ACHE: variants seen among roughly 807,000 people sequenced by gnomAD.
ACHE encodes the protein acetylcholinesterase.
Under a neutral mutation model 53.9 loss-of-function variants are expected in ACHE, and 19 were observed. The observed-to-expected ratio is 0.35, with a 90% confidence interval of 0.25 to 0.52. ACHE has a LOEUF of 0.52. Ranked by LOEUF, ACHE falls within the 20% of genes least tolerant of loss-of-function variation. The pLI is 0.95. For missense variants in ACHE, 605 were observed against 849.4 expected, an observed-to-expected ratio of 0.71 and a Z score of 3.58; for synonymous variants, 392 against 378.1, an observed-to-expected ratio of 1.04 and a Z score of -0.43.
chr7:100,890,493 A>C, intron 4 of ACHE, 158 bp from the exon 5 acceptor site: 1 of 1,437,926 alleles, frequency 7.0e-7, no homozygotes, highest in South Asian at 1.4e-5. Context: ...GATCAGGAGA[A>C]TGTGCGAAAG....
At chr7:100,894,951 G>A (rs1332271559) in intron 1 of ACHE, among the ~76,000 whole-genome samples, 2 of 152,064 alleles carry the variant, frequency 1.3e-5, no homozygotes, top group South Asian at 2.1e-4. Flanking sequence ...TGCCGTGCAC[G>A]CCGCCGCCGG....
chr7:100,892,381 G>T lies in ACHE; in HGVS notation c.1506C>A (p.Ile502=), dbSNP rs1229653464. The part of the protein sequence containing the change: ...PSRNYTAEEK[I]FAQRLMRYWA... ...AGTATCGCATCAGTCGCTGGGCGAA[G>T]ATTTTCTCCTCTGCCGTGTAGTTTC... Residue 502 remains isoleucine, a synonymous_variant, in exon 3 of 5, where the codon ATC becomes ATA. Coordinates refer to ENST00000241069, the MANE Select transcript of ACHE (RefSeq NM_000665.5). This position sits in a 1 kb window ranked among gnomAD's most constrained non-coding sequence, Gnocchi z 5.2. 2 of 1,516,414 alleles carry T rather than the reference G, an allele frequency of 1.3e-6. No homozygotes were observed. Among genetic ancestry groups the T allele is most frequent in the Non-Finnish European group, 1.8e-6 (2 of 1,129,474 alleles). The allele number at this position is 1,516,414 out of a possible 1,614,324, so 93.9% of individuals were successfully genotyped here.
chr7:100,890,939 G>A (rs1790641072), intron 4 of ACHE: 1 of 1,470,186 alleles, frequency 6.8e-7, no homozygotes, highest in Non-Finnish European at 9.0e-7. Flanking sequence ...CCCTGTGGCC[G>A]TAGGGGAAGA....
chr7:100,894,282 A>AG, intron 1 of ACHE, 30 bp from the exon 2 acceptor site: 1 of 1,394,960 alleles, frequency 7.2e-7, no homozygotes, highest in South Asian at 1.6e-5. Context: ...GAAAGGGTGA[A>AG]GGGTCGGTCG....
At chr7:100,894,711 G>C (rs887822283) in intron 1 of ACHE, among the ~76,000 whole-genome samples, 2 of 152,180 alleles carry the variant, frequency 1.3e-5, no homozygotes, top group South Asian at 2.1e-4. Flanking sequence ...CGGGGCCCTG[G>C]GGGGCGGTGG....
rs758529007 is a variant in ACHE at position 100,893,465 on chromosome 7, G to A, written c.768C>T (p.Ala256=). The A allele has an allele frequency of 2.9e-5, 47 of 1,607,654 alleles. No individual in the cohort carries two copies. In the South Asian group the frequency reaches 3.0e-4, roughly 10 times the overall value. The change falls in exon 2 of 5, where the codon GCC becomes GCT. Residue 256 remains alanine, a synonymous_variant. Coordinates refer to ENST00000241069, the MANE Select transcript of ACHE (RefSeq NM_000665.5). ...CATTGGGGGCACCGCTCTGCAGCACGGCCCTGTGGAACAGGCCCCGGCTGG... is the reference window on the plus strand; with the variant it reads ...CATTGGGGGCACCGCTCTGCAGCACAGCCCTGTGGAACAGGCCCCGGCTGG... ...SPPSRGLFHR[A]VLQSGAPNGP... is the part of the protein sequence containing the mutation.
At position 100,891,224 on chromosome 7, in the gene ACHE, G is replaced by C; in HGVS notation, c.1668C>G (p.Arg556=). Residue 556 remains arginine (R), a synonymous_variant, in exon 4 of 5, where the codon CGC becomes CGG. Transcript: ENST00000241069. Reference sequence around the variant, plus strand: ...GGTTCCAGAAGGCGCAGGCCTGGGCGCGCAGCCCCCGCCGCACCTCCAGCG... The same window carrying C: ...GGTTCCAGAAGGCGCAGGCCTGGGCCCGCAGCCCCCGCCGCACCTCCAGCG... ...LRPLEVRRGL[R]AQACAFWNRF... is the part of the protein sequence containing the mutation. 6.2e-7 allele frequency: 1 copy of C among 1,607,436 alleles called. No individual in the cohort carries two copies. The highest frequency in any genetic ancestry group is 8.5e-7 in the Non-Finnish European group (1 of 1,178,938).
At chr7:100,896,730 T>C (rs1278232054), upstream of ACHE, 3 of 320,066 alleles carry the variant, frequency 9.4e-6, no homozygotes, top group African/African-American at 4.5e-5. Flanking sequence ...AGGCCTAGCA[T>C]TCATTGGCCA....
intron 4 of ACHE, chr7:100,890,747 G>C (rs1318332933): frequency 7.4e-7 from 1 of 1,342,766 alleles, no homozygotes; most frequent in Non-Finnish European, 9.6e-7. Flanking sequence ...AAGAATACTG[G>C]CTTTTCCATT....
chr7:100,890,821 T>A (rs1790632389), intron 4 of ACHE: 2 of 1,389,308 alleles, frequency 1.4e-6, no homozygotes, highest in South Asian at 3.8e-5. Context: ...CCCCTCCTCC[T>A]GCCCTGTCCA....
At chr7:100,890,954 G>T in intron 4 of ACHE, 1 of 1,471,100 alleles carries the variant, frequency 6.8e-7, no homozygotes, top group East Asian at 2.4e-5. Context: ...GGAAGAGGCC[G>T]TGTTCACAGC....
In ACHE at chr7:100,890,706, C is replaced by T. The variant is rs1187683462; in HGVS notation, c.1724-371G>A. 4.5e-6 allele frequency: 6 copies of T among 1,328,112 alleles called. No homozygotes were observed. In the East Asian group the frequency reaches 1.7e-4, roughly 38 times the overall value. The allele number at this position is 1,328,112 out of a possible 1,614,324, so 82.3% of individuals were successfully genotyped here. A position where few individuals can be genotyped will look rare whatever the true frequency, so the allele number is the denominator to read the frequency against. On this transcript the variant is annotated intron_variant, in intron 4 of 4. Coordinates refer to ENST00000241069, the MANE Select transcript of ACHE (RefSeq NM_000665.5). ...GGGGCCTCCCACTTCCCCCCAATGT[C>T]AGGCTCAGGTTCCAAAAGATAATTT...
upstream of ACHE, chr7:100,896,390 G>A (rs576005477): frequency 1.8e-5 from 3 of 163,198 alleles, no homozygotes; most frequent in African/African-American, 7.2e-5. Context: ...CGTCCCCTTA[G>A]GGGTCCAGGT....
In ACHE at chr7:100,893,805, G is replaced by A; in HGVS notation, c.428C>T (p.Thr143Ile). The part of the protein sequence containing the change: ...WTPYPRPTSP[T>I]PVLVWIYGGG... ...CCCATAGATCCAGACGAGGACAGGGGTGGGGGATGTAGGCCGGGGGTATGG... is the reference window on the plus strand; with the variant it reads ...CCCATAGATCCAGACGAGGACAGGGATGGGGGATGTAGGCCGGGGGTATGG... Residue 143 changes from threonine (T) to isoleucine (I), a missense_variant, in exon 2 of 5, where the codon ACC becomes ATC. This residue lies in a region of ACHE where 397 missense variants were observed against 632.5 expected (regional missense o/e 0.63). Coordinates refer to ENST00000241069, the MANE Select transcript of ACHE (RefSeq NM_000665.5). 1 of 1,613,810 alleles carries A rather than the reference G, an allele frequency of 6.2e-7. No individual in the cohort carries two copies. Among genetic ancestry groups the A allele is most frequent in the Non-Finnish European group, 8.5e-7 (1 of 1,179,954 alleles).
Position 100,893,606 on chromosome 7 carries a change from C to T in ACHE, c.627G>A (p.Leu209=). ...PGNVGLLDQR[L]ALQWVQENVA... is the part of the protein sequence containing the mutation. ...CGTTCTCCTGCACCCACTGCAGGGCCAGCCTCTGATCCAGGAGACCCACAT... is the reference window on the plus strand; with the variant it reads ...CGTTCTCCTGCACCCACTGCAGGGCTAGCCTCTGATCCAGGAGACCCACAT... The change falls in exon 2 of 5, where the codon CTG becomes CTA. Residue 209 remains leucine, a synonymous_variant. Transcript: ENST00000241069. The T allele has an allele frequency of 6.2e-7, 1 of 1,612,930 alleles. No individual in the cohort carries two copies.
intron 4 of ACHE, 40 bp downstream of exon 4, chr7:100,891,129 C>T: frequency 1.9e-6 from 3 of 1,568,536 alleles, no homozygotes; most frequent in Non-Finnish European, 2.6e-6. Context: ...CGGGCTCCCA[C>T]TCCCCTCCTC....
At chr7:100,890,748 C>T (rs1790626887) in intron 4 of ACHE, 4 of 1,342,732 alleles carry the variant, frequency 3.0e-6, no homozygotes, top group Non-Finnish European at 3.8e-6. Context: ...AGAATACTGG[C>T]TTTTCCATTT....
At chr7:100,890,869 G>A in intron 4 of ACHE, 5 of 1,455,550 alleles carry the variant, frequency 3.4e-6, no homozygotes, top group South Asian at 3.1e-5. Flanking sequence ...GGGAGCACTA[G>A]GTCTGAGATC....
rs1790740644 is a variant in ACHE at position 100,892,199 on chromosome 7, GA to G, written c.1553+134del. The G allele has an allele frequency of 1.8e-6, 2 of 1,125,850 alleles. No individual in the cohort carries two copies. The highest frequency in any genetic ancestry group is 2.3e-6 in the Non-Finnish European group (2 of 862,790). The allele number at this position is 1,125,850 out of a possible 1,614,324, so 69.7% of individuals were successfully genotyped here. ...TTCTCTCCCCTTTTATCTACTTTGT[GA>G]GCATATCCCTCTCTGGCTGTTCTAT... On this transcript the variant is annotated intron_variant, in intron 3 of 4. Coordinates refer to ENST00000241069, the MANE Select transcript of ACHE (RefSeq NM_000665.5). This position sits in a 1 kb window ranked among gnomAD's most constrained non-coding sequence, Gnocchi z 5.2.
Sources: allele counts gnomAD v4.1 joint callset (sites outside exome capture counted in the v4.1 genomes callset), GRCh38; gene constraint gnomAD v4.1.1; regional missense constraint gnomAD v4.1.1; non-coding constraint Gnocchi (gnomAD v3.1); transcripts MANE v1.5; gene names NCBI Gene and HGNC (gene_info 2026-07-23, HGNC 2026-07-21).